Variants in MGAT5 observed in about 807,000 individuals in gnomAD.
The protein encoded by MGAT5 is alpha-1,6-mannosylglycoprotein 6-beta-N-acetylglucosaminyltransferase.
In MGAT5, 30 loss-of-function variants were observed where a neutral mutation model predicts 94.3. The observed-to-expected ratio is 0.32, with a 90% CI of 0.24 to 0.43. The LOEUF is 0.43. Ranked by LOEUF, MGAT5 falls within the 20% of genes least tolerant of loss-of-function variation. MGAT5 has a pLI of 1.00. For synonymous variants in MGAT5, 310 were observed against 322.9 expected (o/e 0.96, Z 0.43); for missense variants, 691 against 905.5 (o/e 0.76, Z 3.04).
intron 1 of MGAT5, among the ~76,000 whole-genome samples, chr2:134,241,973 T>C (rs1473610432): frequency 6.6e-6 from 1 of 152,230 alleles, no homozygotes; most frequent in Admixed American, 6.5e-5. Flanking sequence ...TAGAATCATT[T>C]CCAGAAACTT....
At chr2:134,256,205 C>T (rs892775120) in intron 1 of MGAT5, among the ~76,000 whole-genome samples, 3 of 152,136 alleles carry the variant, frequency 2.0e-5, no homozygotes, top group African/African-American at 7.2e-5. Flanking sequence ...GGTAGTTTTT[C>T]CTAGAGTTGC....
At chr2:134,151,868 C>T (rs1169450063) in intron 1 of MGAT5, among the ~76,000 whole-genome samples, 1 of 130,126 alleles carries the variant, frequency 7.7e-6, no homozygotes, top group Non-Finnish European at 1.6e-5. Context: ...CGCCATGGGA[C>T]CTCACTCACG....
chr2:134,446,364 A>T (rs1040880890), intron 15 of MGAT5, among the ~76,000 whole-genome samples: 5 of 151,638 alleles, frequency 3.3e-5, no homozygotes, highest in East Asian at 1.9e-4. Flanking sequence ...CGCCGTAGAG[A>T]TTTCTATGCT....
chr2:134,203,578 A>G (rs1000192897), intron 1 of MGAT5, among the ~76,000 whole-genome samples: 1 of 151,950 alleles, frequency 6.6e-6, no homozygotes, highest in Non-Finnish European at 1.5e-5. Context: ...GGGTGTGCGG[A>G]GGCTGAATGG....
At chr2:134,249,907 C>T (rs1466259112), upstream of MGAT5, among the ~76,000 whole-genome samples, 1 of 152,248 alleles carries the variant, frequency 6.6e-6, no homozygotes, top group Non-Finnish European at 1.5e-5. Context: ...TCCAATTTCT[C>T]CACATCTTCA....
chr2:134,173,360 G>A (rs545747133), intron 1 of MGAT5, among the ~76,000 whole-genome samples: 17 of 152,314 alleles, frequency 1.1e-4, no homozygotes, highest in African/African-American at 4.1e-4. Context: ...GGGCAGCTGG[G>A]GATAGTAGGC....
At chr2:134,148,751 T>G (rs1687037592) in intron 1 of MGAT5, among the ~76,000 whole-genome samples, 1 of 150,164 alleles carries the variant, frequency 6.7e-6, no homozygotes, top group Non-Finnish European at 1.5e-5. Flanking sequence ...TTAAGTTCTC[T>G]TTCTTAGGTT....
chr2:134,130,790 A>T (rs1686118958), intron 1 of MGAT5, among the ~76,000 whole-genome samples: 1 of 151,960 alleles, frequency 6.6e-6, no homozygotes, highest in Non-Finnish European at 1.5e-5. Flanking sequence ...CTCTGTGTCT[A>T]ACTCAAGGTT....
chr2:134,245,383 G>A (rs866800196), intron 1 of MGAT5, among the ~76,000 whole-genome samples: 8 of 152,152 alleles, frequency 5.3e-5, no homozygotes, highest in Middle Eastern at 3.2e-3. Flanking sequence ...AATATCGTAT[G>A]GGCCTAGTGA....
Position 134,270,472 on chromosome 2 carries a change from A to G in MGAT5, c.328A>G (p.Asn110Asp). Residue 110 changes from asparagine (N) to aspartate (D), a missense_variant, in exon 2 of 16, where the codon AAT becomes GAT. Around this residue, in one of 4 missense-constraint regions of MGAT5, gnomAD observed 307 missense variants for 335.4 expected, o/e 0.92. Coordinates refer to ENST00000281923, the MANE Select transcript of MGAT5 (RefSeq NM_002410.5). ...GTCGAAGGTGGACAATCTTGTTGTC[A>G]ATGGCACCGGAACAAACTCAACCAA... ...LESKVDNLVV[N>D]GTGTNSTNST... is the part of the protein sequence containing the mutation. 6.2e-7 allele frequency: 1 copy of G among 1,614,220 alleles called. No individual in the cohort carries two copies. The highest frequency in any genetic ancestry group is 8.5e-7 in the Non-Finnish European group (1 of 1,180,030).
At chr2:134,377,332 C>T (rs2106184001) in intron 10 of MGAT5, among the ~76,000 whole-genome samples, 1 of 152,264 alleles carries the variant, frequency 6.6e-6, no homozygotes, top group African/African-American at 2.4e-5. Context: ...GTGGTCTAAG[C>T]AGAAAGAAAG....
rs191435481 is a variant in MGAT5, at chr2:134,181,237, C to T, written c.-143+60946C>T. On this transcript the variant is annotated intron_variant, in intron 1 of 16. Transcript: ENST00000409645. The stretch of plus-strand genomic sequence containing the variant: ...ACTGGCAGCTTCCAGTAGGTAGAGT[C>T]CAGGGATGCTGCTAAACATCCTACA... Among the ~76,000 whole-genome samples, 431 of 152,226 alleles carry T rather than the reference C, an allele frequency of 2.8e-3. 4 individuals carry two copies. The highest frequency in any genetic ancestry group is 0.01 in the African/African-American group (418 of 41,536).
At chr2:134,428,590 A>G in intron 14 of MGAT5, 151 bp downstream of exon 14, 1 of 653,874 alleles carries the variant, frequency 1.5e-6, no homozygotes, top group Non-Finnish European at 2.7e-6. Flanking sequence ...TAGCACTGTC[A>G]TGGTCACCCA....
intron 1 of MGAT5, among the ~76,000 whole-genome samples, chr2:134,138,294 T>C (rs1017731879): frequency 7.2e-5 from 11 of 152,150 alleles, no homozygotes; most frequent in African/African-American, 2.2e-4. Flanking sequence ...GTAGGATCTC[T>C]GACCACTCCC....
intron 2 of MGAT5, among the ~76,000 whole-genome samples, chr2:134,296,336 A>G (rs1432040664): frequency 6.6e-6 from 1 of 152,218 alleles, no homozygotes; most frequent in Non-Finnish European, 1.5e-5. Context: ...AATGCCGAAT[A>G]TTAAATTACT....
intron 1 of MGAT5, among the ~76,000 whole-genome samples, chr2:134,165,751 G>T (rs1321365267): frequency 6.6e-6 from 1 of 152,034 alleles, no homozygotes; most frequent in Non-Finnish European, 1.5e-5. Context: ...CTCCAGCCTG[G>T]GCGACAGAGC....
chr2:134,270,919 CTG>C (rs987243165), intron 2 of MGAT5, among the ~76,000 whole-genome samples: 2 of 152,190 alleles, frequency 1.3e-5, no homozygotes, highest in Non-Finnish European at 2.9e-5. Flanking sequence ...TTTTGAAAGT[CTG>C]TTACGTATAA....
At chr2:134,413,231 T>C (rs968078389) in intron 12 of MGAT5, among the ~76,000 whole-genome samples, 1 of 152,194 alleles carries the variant, frequency 6.6e-6, no homozygotes, top group African/African-American at 2.4e-5. Context: ...CTTGACACTC[T>C]ACCCCCACTC....
rs1023285113 is a variant in MGAT5 at position 134,331,836 on chromosome 2, T to A, written c.574-4381T>A. Among the ~76,000 whole-genome samples the A allele has an allele frequency of 2.2e-4, 33 of 152,116 alleles. 1 individual carries two copies. Among genetic ancestry groups the A allele is most frequent in the Admixed American group, 1.9e-3 (29 of 15,278 alleles). On this transcript the variant is annotated intron_variant, in intron 4 of 15. Transcript: ENST00000281923. Reference sequence around the variant, plus strand: ...AACCATTTTCAGGTCAAGAAGGTGGTGGGTAGGATTCCAACTTACAAGGGA... The same window carrying A: ...AACCATTTTCAGGTCAAGAAGGTGGAGGGTAGGATTCCAACTTACAAGGGA...
Sources: gnomAD v4.1 joint callset for allele counts (sites outside exome capture counted in the v4.1 genomes callset) on GRCh38, gnomAD v4.1.1 for gene constraint, gnomAD v4.1.1 regional missense constraint, MANE v1.5 for transcripts, NCBI Gene and HGNC (gene_info 2026-07-23, HGNC 2026-07-21) for gene names.